The following SERP2 variants were observed in gnomAD, a reference collection of about 807,000 sequenced individuals.
SERP2 encodes the protein stress-associated endoplasmic reticulum protein 2.
Under a neutral mutation model 9.1 loss-of-function variants are expected in SERP2, and 6 were observed. The ratio of observed to expected loss-of-function variants is 0.66; its 90% CI spans 0.36 to 1.30. The LOEUF (loss-of-function observed/expected upper bound fraction) is 1.30. Among genes scored for constraint, SERP2 ranks in the 50% most tolerant of loss-of-function variants. The pLI, the probability that SERP2 is intolerant of heterozygous loss-of-function variation, is 0.03. For missense variants in SERP2, 58 were observed against 81.9 expected, an observed-to-expected ratio of 0.71 and a Z score of 1.13; for synonymous variants, 37 against 27.3, an observed-to-expected ratio of 1.35 and a Z score of -1.10.
chr13:44,375,758 A>C (rs1871613838), intron 1 of SERP2, among the ~76,000 whole-genome samples: 1 of 152,240 alleles, frequency 6.6e-6, no homozygotes, highest in Non-Finnish European at 1.5e-5. Flanking sequence ...AGAAAACAAG[A>C]ACTAATTTCT....
Position 44,397,419 on chromosome 13 carries a change from A to T in SERP2, c.*107A>T. 1.2e-6 allele frequency: 1 copy of T among 852,002 alleles called. No individual in the cohort carries two copies. The allele number at this position is 852,002 out of a possible 1,614,324, so 52.8% of individuals were successfully genotyped here. A position where few individuals can be genotyped will look rare whatever the true frequency, so the allele number is the denominator to read the frequency against. ...CAAGCAGGCCACACGGAATAGAAAA[A>T]AACGCTCCCCCACTTGTTCCCTGAT... On this transcript the variant is annotated 3_prime_UTR_variant, in exon 3 of 3. Transcript: ENST00000379179.
At position 44,379,009 on chromosome 13, in the gene SERP2, G is replaced by T. The variant is rs140437193; in HGVS notation, c.85-632G>T. Among the ~76,000 whole-genome samples the T allele has an allele frequency of 2.4e-3, 359 of 152,308 alleles. 1 individual carries two copies. The highest frequency in any genetic ancestry group is 7.9e-3 in the African/African-American group (330 of 41,560). ...CATTCACAATTGCTGTGGTGCTTCT[G>T]TTGTTGCAAGGATTTCCACTGTACT... On this transcript the variant is annotated intron_variant, in intron 1 of 2. Coordinates refer to ENST00000379179, the MANE Select transcript of SERP2 (RefSeq NM_001010897.3).
intron 2 of SERP2, among the ~76,000 whole-genome samples, chr13:44,389,050 A>G (rs777127702): frequency 6.6e-6 from 1 of 152,224 alleles, no homozygotes; most frequent in Non-Finnish European, 1.5e-5. Flanking sequence ...TTTGAGCCCA[A>G]AGGTTGAGGA....
chr13:44,388,582 C>T (rs1357296415), intron 2 of SERP2, among the ~76,000 whole-genome samples: 1 of 152,206 alleles, frequency 6.6e-6, no homozygotes, highest in African/African-American at 2.4e-5. Context: ...TTGGGAGTCG[C>T]TCTGCCATTT....
intron 2 of SERP2, chr13:44,390,296 T>C: frequency 5.3e-6 from 1 of 188,776 alleles, no homozygotes. Flanking sequence ...GCCACCGGTG[T>C]CCCCACCCAC....
In SERP2 at chr13:44,374,106, C is replaced by A. The variant is rs1871475386; in HGVS notation, c.81C>A (p.Thr27=). 6.4e-7 allele frequency: 1 copy of A among 1,563,372 alleles called. No homozygotes were observed. The highest frequency in any genetic ancestry group is 1.4e-5 in the African/African-American group (1 of 70,370). Residue 27 remains threonine (T), a synonymous_variant, in exon 1 of 3, where the codon ACC becomes ACA. Coordinates refer to ENST00000379179, the MANE Select transcript of SERP2 (RefSeq NM_001010897.3). ...CCCAGAGGGGGAACGTAGCCAAAAC[C>A]CTGGTAAGGCGGGGTCGGCGCCGGC... ...NITQRGNVAK[T]LRPQEEKYPV...
intron 2 of SERP2, among the ~76,000 whole-genome samples, chr13:44,392,065 G>A (rs950222570): frequency 1.3e-5 from 2 of 151,484 alleles, no homozygotes; most frequent in African/African-American, 4.9e-5. Flanking sequence ...GGGCATGGTG[G>A]TGCGCTCCTG....
At chr13:44,384,851 G>A (rs541487172) in intron 2 of SERP2, among the ~76,000 whole-genome samples, 17 of 152,324 alleles carry the variant, frequency 1.1e-4, no homozygotes, top group Middle Eastern at 3.4e-3. Context: ...GTTGATCATT[G>A]ATGTGAGTCT....
chr13:44,388,342 A>ATGTG (rs10628946), intron 2 of SERP2, among the ~76,000 whole-genome samples: 150,012 of 152,222 alleles, frequency 0.99, 73,939 homozygotes, highest in Middle Eastern at 1. Context: ...GTGTTCATGA[A>ATGTG]TGTGTATGTA....
chr13:44,381,575 G>A (rs1415657070), intron 2 of SERP2, among the ~76,000 whole-genome samples: 1 of 152,204 alleles, frequency 6.6e-6, no homozygotes, highest in African/African-American at 2.4e-5. Flanking sequence ...ACTGCAGAAG[G>A]TGGTCTAGAA....
In SERP2 at chr13:44,387,266, C is replaced by T. The variant is rs117768681; in HGVS notation, c.157+7553C>T. On this transcript the variant is annotated intron_variant, in intron 2 of 2. Transcript: ENST00000379179. Reference sequence around the variant, plus strand: ...TGTGCCCAGAGCCCTCTCCTCTGGGCGTTTTCTTTTCCTTTTGTCCCCAGC... The same window carrying T: ...TGTGCCCAGAGCCCTCTCCTCTGGGTGTTTTCTTTTCCTTTTGTCCCCAGC... Among the ~76,000 whole-genome samples the T allele has an allele frequency of 7.9e-4, 121 of 152,224 alleles. 1 individual carries two copies. The highest frequency in any genetic ancestry group is 2.3e-3 in the South Asian group (11 of 4,810).
chr13:44,391,376 CTG>C (rs1185446593), intron 2 of SERP2, among the ~76,000 whole-genome samples: 3 of 152,200 alleles, frequency 2.0e-5, no homozygotes, highest in African/African-American at 7.2e-5. Flanking sequence ...GTAATTTCCT[CTG>C]TGCTCTTTGC....
chr13:44,394,412 C>T (rs981805016), intron 2 of SERP2, among the ~76,000 whole-genome samples: 8 of 152,254 alleles, frequency 5.3e-5, no homozygotes, highest in Admixed American at 2.0e-4. Context: ...CATGAGCCAC[C>T]GCACCTGGAC....
In SERP2 at chr13:44,397,573, A is replaced by C. The variant is rs977286307; in HGVS notation, c.*261A>C. ...AGTAGCCACGCGGGTCGTCCGCAGCAGTGCTGTTTTTTTGGTTTTTCCCTT... is the reference window on the plus strand; with the variant it reads ...AGTAGCCACGCGGGTCGTCCGCAGCCGTGCTGTTTTTTTGGTTTTTCCCTT... On this transcript the variant is annotated 3_prime_UTR_variant, in exon 3 of 3. Coordinates refer to ENST00000379179, the MANE Select transcript of SERP2 (RefSeq NM_001010897.3). 2 of 543,196 alleles carry C rather than the reference A, an allele frequency of 3.7e-6. No homozygotes were observed. Among genetic ancestry groups the C allele is most frequent in the Middle Eastern group, 5.1e-4 (1 of 1,948 alleles). 33.6% of individuals were successfully genotyped at this position (543,196 alleles called of 1,614,324 possible).
chr13:44,397,610 T>C lies in SERP2; in HGVS notation c.*298T>C, dbSNP rs899867655. 2.4e-5 allele frequency: 11 copies of C among 458,354 alleles called. No homozygotes were observed. The South Asian group carries it at 2.5e-4, about 10-fold the overall frequency. 28.4% of individuals were successfully genotyped at this position (458,354 alleles called of 1,614,324 possible). A position where few individuals can be genotyped will look rare whatever the true frequency, so the allele number is the denominator to read the frequency against. On this transcript the variant is annotated 3_prime_UTR_variant, in exon 3 of 3. Transcript: ENST00000379179. ...TTGGTTTTTCCCTTGGTTTCACTAA[T>C]GCGTGCATGTGGCCCTCTGAACGAT...
At chr13:44,376,496 C>T (rs552735109) in intron 1 of SERP2, among the ~76,000 whole-genome samples, 9 of 152,270 alleles carry the variant, frequency 5.9e-5, no homozygotes, top group African/African-American at 2.2e-4. Context: ...CAAGGCCGGG[C>T]GTGGTGGCTC....
chr13:44,386,286 T>C (rs1167266670), intron 2 of SERP2, among the ~76,000 whole-genome samples: 1 of 152,232 alleles, frequency 6.6e-6, no homozygotes, highest in Non-Finnish European at 1.5e-5. Context: ...CTTTATGAGA[T>C]ACAAAAGCTT....
chr13:44,374,024 C>T lies in SERP2; in HGVS notation c.-2C>T. 1 of 1,595,556 alleles carries T rather than the reference C, an allele frequency of 6.3e-7. No homozygotes were observed. On this transcript the variant is annotated 5_prime_UTR_variant, in exon 1 of 3. Coordinates refer to ENST00000379179, the MANE Select transcript of SERP2 (RefSeq NM_001010897.3). ...GTGGGAGCATTTCAGAGCGCACAAG[C>T]CATGGTGGCCAAACAGCGGATCCGG...
chr13:44,374,679 G>A (rs942547743), intron 1 of SERP2, among the ~76,000 whole-genome samples: 3 of 152,102 alleles, frequency 2.0e-5, no homozygotes, highest in African/African-American at 7.2e-5. Flanking sequence ...TTTCTTTCCA[G>A]CCCCTTTGTG....
Sources: allele counts gnomAD v4.1 joint callset (sites outside exome capture counted in the v4.1 genomes callset), GRCh38; gene constraint gnomAD v4.1.1; transcripts MANE v1.5; gene names NCBI Gene and HGNC (gene_info 2026-07-23, HGNC 2026-07-21).